The following PDE4D variants were observed in gnomAD, a reference collection of about 807,000 sequenced individuals.
PDE4D encodes the protein phosphodiesterase 4D.
In PDE4D, 24 loss-of-function variants were observed where a neutral mutation model predicts 87.4. That is an observed-to-expected ratio of 0.27 (90% CI 0.20 to 0.39). The LOEUF (loss-of-function observed/expected upper bound fraction) is 0.39, where lower values mean the gene tolerates loss of function less well. PDE4D is among the 10% of genes least tolerant of loss of function. PDE4D has a pLI of 1.00. For missense variants in PDE4D, 714 were observed against 1,041.0 expected, an observed-to-expected ratio of 0.69 and a Z score of 4.32; for synonymous variants, 384 against 383.2, an observed-to-expected ratio of 1.00 and a Z score of -0.02.
chr5:59,340,256 G>T (rs1194381129), intron 1 of PDE4D, among the ~76,000 whole-genome samples: 1 of 152,098 alleles, frequency 6.6e-6, no homozygotes, highest in Non-Finnish European at 1.5e-5. Context: ...TTTGCGTAGT[G>T]TCTACTGTCT....
At chr5:59,900,348 C>A (rs571593138) in intron 3 of PDE4D, among the ~76,000 whole-genome samples, 19 of 150,960 alleles carry the variant, frequency 1.3e-4, no homozygotes, top group African/African-American at 4.4e-4. Flanking sequence ...ATTATTAATA[C>A]CTCATTGAAG....
intron 1 of PDE4D, among the ~76,000 whole-genome samples, chr5:60,430,584 T>C (rs1265271265): frequency 6.6e-6 from 1 of 151,034 alleles, no homozygotes. Context: ...TGGGTGTTTC[T>C]CGCAGAGGGG....
At chr5:60,155,626 C>T (rs1781899661) in intron 2 of PDE4D, among the ~76,000 whole-genome samples, 1 of 152,192 alleles carries the variant, frequency 6.6e-6, no homozygotes, top group South Asian at 2.1e-4. Context: ...ATGCTAGACA[C>T]TGTGTGCTAG....
chr5:59,320,164 G>A (rs545220284), intron 1 of PDE4D, among the ~76,000 whole-genome samples: 4 of 152,114 alleles, frequency 2.6e-5, no homozygotes, highest in Non-Finnish European at 5.9e-5. Flanking sequence ...AAGTGTGTGT[G>A]TGTGCACGCG....
Position 59,513,808 on chromosome 5 carries a change from G to A in PDE4D, c.456-297840C>T, listed in dbSNP as rs545677541. 4.6e-5 allele frequency among the ~76,000 whole-genome samples: 7 copies of A among 152,328 alleles called. No homozygotes were observed. In the South Asian group the frequency reaches 8.3e-4, roughly 18 times the overall value. ...TTCATTGTGGACCACAGGATTTCAT[G>A]AAGGATAATGACAGTCTTTCCCATG... On this transcript the variant is annotated intron_variant, in intron 1 of 14. Transcript: ENST00000340635.
At chr5:58,995,217 T>C (rs182253137) in intron 6 of PDE4D, among the ~76,000 whole-genome samples, 9 of 152,202 alleles carry the variant, frequency 5.9e-5, no homozygotes, top group African/African-American at 2.2e-4. Flanking sequence ...CTATAGAAAA[T>C]GTAGAAAGCT....
At chr5:59,035,880 A>C (rs1758419058) in intron 6 of PDE4D, among the ~76,000 whole-genome samples, 1 of 152,230 alleles carries the variant, frequency 6.6e-6, no homozygotes, top group Admixed American at 6.5e-5. Context: ...CCATAGATTT[A>C]ATCACTCAAA....
intron 2 of PDE4D, among the ~76,000 whole-genome samples, chr5:59,197,034 C>G (rs1050985508): frequency 6.6e-6 from 1 of 152,044 alleles, no homozygotes; most frequent in African/African-American, 2.4e-5. Context: ...TCTCTTCTTT[C>G]ATTTTATTCT....
At chr5:59,590,704 T>C (rs1825807868) in intron 1 of PDE4D, among the ~76,000 whole-genome samples, 1 of 152,060 alleles carries the variant, frequency 6.6e-6, no homozygotes, top group Admixed American at 6.6e-5. Flanking sequence ...TTGTTTTGTT[T>C]TGTGTTTTTT....
intron 1 of PDE4D, among the ~76,000 whole-genome samples, chr5:60,252,426 T>C (rs1748584784): frequency 6.9e-6 from 1 of 145,056 alleles, no homozygotes; most frequent in South Asian, 2.1e-4. Context: ...GGTCAAACAT[T>C]AGCTATAGAC....
chr5:59,069,796 T>C (rs1343880817), intron 5 of PDE4D, among the ~76,000 whole-genome samples: 1 of 152,148 alleles, frequency 6.6e-6, no homozygotes, highest in Non-Finnish European at 1.5e-5. Flanking sequence ...AATTAAAATG[T>C]TTATATTTGG....
intron 1 of PDE4D, among the ~76,000 whole-genome samples, chr5:59,262,317 C>A (rs1762136377): frequency 6.6e-6 from 1 of 151,926 alleles, no homozygotes; most frequent in Non-Finnish European, 1.5e-5. Flanking sequence ...TAAAACTTTT[C>A]TTTAAGGACT....
chr5:59,985,276 C>T lies in PDE4D; in HGVS notation c.272+3212G>A, dbSNP rs368322105. The stretch of plus-strand genomic sequence containing the variant: ...GCCTCAGCCTCCTGAGTAGCTGGGA[C>T]TGCAGGCACACACTGCCAAGCCCGG... On this transcript the variant is annotated intron_variant, in intron 3 of 16. Transcript: ENST00000502484. Among the ~76,000 whole-genome samples the T allele has an allele frequency of 1.1e-4, 17 of 151,854 alleles. No homozygotes were observed. In the South Asian group the frequency reaches 3.6e-3, roughly 32 times the overall value.
At chr5:60,087,884 T>C (rs1774704972) in intron 2 of PDE4D, among the ~76,000 whole-genome samples, 1 of 151,862 alleles carries the variant, frequency 6.6e-6, no homozygotes, top group South Asian at 2.1e-4. Flanking sequence ...ACCAACACTA[T>C]CCAAGTGCAG....
At chr5:59,689,869 A>G (rs62370491) in intron 1 of PDE4D, among the ~76,000 whole-genome samples, 7,132 of 152,320 alleles carry the variant, frequency 0.047, 188 homozygotes, top group South Asian at 0.062. Context: ...CAACTTCAGC[A>G]AAGTCTCAGG....
chr5:59,977,815 C>T (rs891310165), intron 3 of PDE4D, among the ~76,000 whole-genome samples: 4 of 152,174 alleles, frequency 2.6e-5, no homozygotes, highest in East Asian at 1.9e-4. Context: ...CTGGTAGGAG[C>T]TAATGCAGAT....
At chr5:58,982,327 A>G (rs1561228244) in intron 11 of PDE4D, among the ~76,000 whole-genome samples, 1 of 152,178 alleles carries the variant, frequency 6.6e-6, no homozygotes, top group Non-Finnish European at 1.5e-5. Context: ...TAGCTGAGTA[A>G]CTGAGTCTTC....
chr5:60,387,451 C>T (rs980041420), intron 1 of PDE4D, among the ~76,000 whole-genome samples: 6 of 152,144 alleles, frequency 3.9e-5, no homozygotes, highest in Admixed American at 2.6e-4. Flanking sequence ...TAAACTGATA[C>T]CAATCTTTGC....
intron 1 of PDE4D, among the ~76,000 whole-genome samples, chr5:59,394,577 A>C (rs1788947819): frequency 7.2e-6 from 1 of 138,374 alleles, no homozygotes; most frequent in Admixed American, 7.3e-5. Flanking sequence ...TATTGAGCAT[A>C]TACTATATTA....
Sources: allele counts gnomAD v4.1 joint callset (sites outside exome capture counted in the v4.1 genomes callset), GRCh38; gene constraint gnomAD v4.1.1; transcripts MANE v1.5; gene names NCBI Gene and HGNC (gene_info 2026-07-23, HGNC 2026-07-21).